The following CDH23 variants were observed in gnomAD, a reference collection of about 807,000 sequenced individuals.
CDH23 encodes the protein cadherin related 23.
A neutral mutation model predicts 317.1 loss-of-function variants in CDH23; 189 were observed. That is an observed-to-expected ratio of 0.60 (90% CI 0.53 to 0.67). The LOEUF (loss-of-function observed/expected upper bound fraction) is 0.67. Among genes scored for constraint, CDH23 ranks in the 30% least tolerant of loss-of-function variants. The pLI is 0.00. For missense variants in CDH23, 4,401 were observed against 4,592.4 expected (o/e 0.96, Z 1.20); for synonymous variants, 1,839 against 1,876.8 (o/e 0.98, Z 0.52).
chr10:71,613,479 C>T (rs937451128), intron 9 of CDH23, among the ~76,000 whole-genome samples: 5 of 152,210 alleles, frequency 3.3e-5, no homozygotes, highest in Non-Finnish European at 5.9e-5. Context: ...ACAGGCCCCA[C>T]TGTCTGCAGC....
chr10:71,688,900 G>A (rs1865040574), intron 19 of CDH23, among the ~76,000 whole-genome samples: 2 of 128,024 alleles, frequency 1.6e-5, no homozygotes, highest in South Asian at 2.5e-4. Flanking sequence ...GTGGAGCCAG[G>A]GATGGTGGAG....
intron 38 of CDH23, among the ~76,000 whole-genome samples, chr10:71,774,225 C>T (rs890716949): frequency 7.4e-6 from 1 of 135,154 alleles, no homozygotes; most frequent in Admixed American, 7.3e-5. Flanking sequence ...CAGCTGTCCG[C>T]CTGGCTGTGC....
rs930082957 is a variant in CDH23, at chr10:71,799,184, C to A, written c.7128C>A (p.Asp2376Glu). Reference sequence around the variant, plus strand: ...TCAACTTTACCGTGAGGGCCTCAGACAACGGGTCCCCGCCCCGGGCAGCTG... The same window carrying A: ...TCAACTTTACCGTGAGGGCCTCAGAAAACGGGTCCCCGCCCCGGGCAGCTG... ...HWLNFTVRAS[D>E]NGSPPRAAEI... The change falls in exon 51 of 70, where the codon GAC becomes GAA. Residue 2376 changes from aspartate to glutamate, a missense_variant. Transcript: ENST00000224721. The A allele has an allele frequency of 6.8e-6, 11 of 1,614,040 alleles. No homozygotes were observed. The highest frequency in any genetic ancestry group is 9.3e-6 in the Non-Finnish European group (11 of 1,179,896).
At position 71,606,248 on chromosome 10, in the gene CDH23, C is replaced by T. The variant is rs539677035; in HGVS notation, c.833-9256C>T. Among the ~76,000 whole-genome samples, 85 of 152,302 alleles carry T rather than the reference C, an allele frequency of 5.6e-4. 1 individual carries two copies. Among genetic ancestry groups the T allele is most frequent in the African/African-American group, 1.8e-3 (75 of 41,560 alleles). On this transcript the variant is annotated intron_variant, in intron 9 of 69. Coordinates refer to ENST00000224721, the MANE Select transcript of CDH23 (RefSeq NM_022124.6). ...TGGTGTAAAATGCCTGTAAGACAAG[C>T]GGACTGCCGTTCACACCTACTTGAG...
At chr10:71,770,930 T>C (rs1383538360) in intron 38 of CDH23, among the ~76,000 whole-genome samples, 3 of 152,142 alleles carry the variant, frequency 2.0e-5, no homozygotes, top group African/African-American at 4.8e-5. Context: ...GCTGTTCCTC[T>C]CTACTCCAGA....
chr10:71,419,196 C>T (rs1269604151), intron 1 of CDH23, among the ~76,000 whole-genome samples: 1 of 152,126 alleles, frequency 6.6e-6, no homozygotes, highest in East Asian at 1.9e-4. Context: ...CTATGGCTCC[C>T]TTCCCTTCTC....
chr10:71,732,658 C>T (rs1352310439), intron 32 of CDH23: 11 of 1,383,950 alleles, frequency 7.9e-6, no homozygotes, highest in African/African-American at 5.8e-5. Context: ...AAAAAGTCCC[C>T]GAGATCAATA....
intron 6 of CDH23, among the ~76,000 whole-genome samples, chr10:71,552,612 G>A (rs965795419): frequency 6.6e-6 from 1 of 152,214 alleles, no homozygotes; most frequent in African/African-American, 2.4e-5. Flanking sequence ...GATGGTCCCA[G>A]AGCAAAGAGG....
At chr10:71,471,577 C>G (rs1301010487) in intron 3 of CDH23, among the ~76,000 whole-genome samples, 2 of 152,300 alleles carry the variant, frequency 1.3e-5, no homozygotes, top group Admixed American at 1.3e-4. Flanking sequence ...TTCCTGGACT[C>G]CAGTTGCGTG....
In CDH23 at chr10:71,724,025, C is replaced by T. The variant is rs934679525; in HGVS notation, c.3370-20C>T. On this transcript the variant is annotated intron_variant, in intron 28 of 69. Coordinates refer to ENST00000224721, the MANE Select transcript of CDH23 (RefSeq NM_022124.6). ...GCTGGGTGGCATTCAAGAAGTAACT[C>T]GTGTCTCATTCTTCCTCAGCTGAAA... 3.2e-6 allele frequency: 5 copies of T among 1,554,156 alleles called. No homozygotes were observed. The highest frequency in any genetic ancestry group is 2.0e-5 in the Admixed American group (1 of 51,260).
intron 44 of CDH23, among the ~76,000 whole-genome samples, chr10:71,786,359 T>C (rs780162532): frequency 1.1e-4 from 17 of 152,182 alleles, no homozygotes; most frequent in Non-Finnish European, 2.2e-4. Flanking sequence ...TGACTAGCTG[T>C]GTGGCTCAGC....
chr10:71,447,267 C>T (rs1001683741), intron 3 of CDH23, among the ~76,000 whole-genome samples: 5 of 151,872 alleles, frequency 3.3e-5, no homozygotes, highest in Non-Finnish European at 7.4e-5. Context: ...CGGAGTGGGG[C>T]GGGGTATCAA....
chr10:71,687,851 G>A, intron 19 of CDH23, 132 bp downstream of exon 19: 2 of 827,508 alleles, frequency 2.4e-6, no homozygotes, highest in South Asian at 1.5e-5. Context: ...CCCCGGCCAA[G>A]CTCCTTGACA....
rs766541944 is a variant in CDH23, at chr10:71,809,872, C to A, written c.8775C>A (p.Pro2925=). The A allele has an allele frequency of 6.2e-7, 1 of 1,613,320 alleles. No homozygotes were observed. Among genetic ancestry groups the A allele is most frequent in the Non-Finnish European group, 8.5e-7 (1 of 1,179,910 alleles). ...TCGACCTCTTCATGGCCTACAGCCC[C>A]GGCTACTTCGTGGTGGACATTGTGG... is the stretch of plus-strand genomic sequence containing the variant. ...RTFDLFMAYS[P]GYFVVDIVAR... The change falls in exon 61 of 70, where the codon CCC becomes CCA. Residue 2925 remains proline (P), a synonymous_variant. Coordinates refer to ENST00000224721, the MANE Select transcript of CDH23 (RefSeq NM_022124.6).
intron 49 of CDH23, among the ~76,000 whole-genome samples, chr10:71,798,110 G>A (rs554029537): frequency 2.0e-5 from 3 of 152,234 alleles, no homozygotes; most frequent in South Asian, 4.1e-4. Context: ...TTAGGAAACC[G>A]GGGCACAGGA....
At chr10:71,453,252 A>G (rs569216483) in intron 3 of CDH23, among the ~76,000 whole-genome samples, 1 of 152,374 alleles carries the variant, frequency 6.6e-6, no homozygotes, top group South Asian at 2.1e-4. Flanking sequence ...AGCGCCTGGC[A>G]CTGCTGCCAG....
chr10:71,547,169 A>G (rs1479919952), intron 6 of CDH23, among the ~76,000 whole-genome samples: 2 of 152,204 alleles, frequency 1.3e-5, no homozygotes, highest in Admixed American at 1.3e-4. Flanking sequence ...GTGGGATTGG[A>G]GACCCAGAGA....
At chr10:71,755,920 AT>A (rs1188615323) in intron 38 of CDH23, among the ~76,000 whole-genome samples, 1 of 152,204 alleles carries the variant, frequency 6.6e-6, no homozygotes, top group Non-Finnish European at 1.5e-5. Context: ...AATGTAATTA[AT>A]GCCACCAAAC....
At chr10:71,465,250 C>T (rs1334447283) in intron 3 of CDH23, among the ~76,000 whole-genome samples, 1 of 152,240 alleles carries the variant, frequency 6.6e-6, no homozygotes, top group East Asian at 1.9e-4. Context: ...GTCTGTTGCA[C>T]AGCGCTGGTA....
Sources: gnomAD v4.1 joint callset for allele counts (sites outside exome capture counted in the v4.1 genomes callset) on GRCh38, gnomAD v4.1.1 for gene constraint, MANE v1.5 for transcripts, NCBI Gene and HGNC (gene_info 2026-07-23, HGNC 2026-07-21) for gene names.